Variants in WDR7 observed in about 807,000 individuals in gnomAD.
WDR7 encodes the protein WD repeat-containing protein 7.
WDR7 carries 46 observed loss-of-function variants against 169.4 expected under a neutral mutation model. The observed-to-expected ratio is 0.27, with a 90% CI of 0.21 to 0.35. WDR7 has a LOEUF of 0.35. Ranked by LOEUF, WDR7 falls within the 10% of genes least tolerant of loss-of-function variation. The pLI, the probability that WDR7 is intolerant of heterozygous loss-of-function variation, is 1.00. For missense variants in WDR7, 1,534 were observed against 1,859.3 expected (o/e 0.83, Z 3.22); for synonymous variants, 612 against 666.8 (o/e 0.92, Z 1.27).
At chr18:56,936,001 T>G in intron 23 of WDR7, 96 bp downstream of exon 23, 5 of 1,149,206 alleles carry the variant, frequency 4.4e-6, no homozygotes, top group Non-Finnish European at 5.0e-6. Flanking sequence ...CCCTTTACAG[T>G]TTATTCTAGA....
intron 26 of WDR7, among the ~76,000 whole-genome samples, chr18:57,008,353 A>T (rs1186731985): frequency 6.6e-6 from 1 of 152,102 alleles, no homozygotes; most frequent in Non-Finnish European, 1.5e-5. Flanking sequence ...CCATTCTCAT[A>T]TTTAAAAACT....
At chr18:56,932,700 A>G (rs1457046045) in intron 22 of WDR7, among the ~76,000 whole-genome samples, 1 of 152,138 alleles carries the variant, frequency 6.6e-6, no homozygotes, top group African/African-American at 2.4e-5. Flanking sequence ...TGAAGTAGAT[A>G]TTTTAATATA....
intron 5 of WDR7, 114 bp from the exon 6 acceptor site, chr18:56,685,842 G>A: frequency 1.2e-6 from 1 of 814,828 alleles, no homozygotes; most frequent in Middle Eastern, 2.4e-4. Context: ...ATGTTTTTCT[G>A]CTAATTGTAA....
chr18:56,880,196 T>C (rs1368259221), intron 21 of WDR7, 31 bp downstream of exon 21: 2 of 1,592,890 alleles, frequency 1.3e-6, no homozygotes, highest in Non-Finnish European at 1.7e-6. Context: ...TGCTGATCTG[T>C]TGCTTCTGAA....
chr18:56,907,935 G>A (rs2900719), intron 21 of WDR7, among the ~76,000 whole-genome samples: 303 of 152,236 alleles, frequency 2.0e-3, no homozygotes, highest in African/African-American at 6.8e-3. Context: ...CTGTATATGC[G>A]GATGTGGTAG....
chr18:56,902,224 A>G (rs1334058699), intron 21 of WDR7, among the ~76,000 whole-genome samples: 7 of 152,164 alleles, frequency 4.6e-5, no homozygotes, highest in African/African-American at 1.7e-4. Flanking sequence ...TGATGTGGCT[A>G]CTTCTAAAGT....
At chr18:56,955,283 G>A (rs2047235710) in intron 25 of WDR7, among the ~76,000 whole-genome samples, 1 of 152,008 alleles carries the variant, frequency 6.6e-6, no homozygotes. Context: ...CAGACAGGTG[G>A]CTGTCTTTTA....
chr18:56,842,790 A>T (rs1369717071), intron 20 of WDR7, among the ~76,000 whole-genome samples: 1 of 152,198 alleles, frequency 6.6e-6, no homozygotes, highest in Non-Finnish European at 1.5e-5. Context: ...ACTTTATTTG[A>T]AGATTTTTGA....
chr18:56,998,481 A>T (rs767728440), intron 26 of WDR7, among the ~76,000 whole-genome samples: 2 of 152,070 alleles, frequency 1.3e-5, no homozygotes, highest in Non-Finnish European at 2.9e-5. Context: ...AAAGAGTTAA[A>T]CTCTATCAGC....
chr18:56,930,303 C>T (rs1442370104), intron 22 of WDR7, among the ~76,000 whole-genome samples: 1 of 152,152 alleles, frequency 6.6e-6, no homozygotes, highest in Non-Finnish European at 1.5e-5. Context: ...CAAATCTCAG[C>T]CATTCTTGAA....
chr18:56,717,643 A>ATT, intron 12 of WDR7, among the ~76,000 whole-genome samples: 1 of 152,174 alleles, frequency 6.6e-6, no homozygotes, highest in Non-Finnish European at 1.5e-5. Flanking sequence ...ACACCTAATA[A>ATT]CAGATCAATT....
intron 26 of WDR7, among the ~76,000 whole-genome samples, chr18:57,019,291 A>G (rs748798970): frequency 5.3e-5 from 8 of 152,200 alleles, no homozygotes; most frequent in Non-Finnish European, 1.2e-4. Context: ...AACGCTACGT[A>G]TTACCTCATT....
At chr18:56,676,390 G>A (rs1342006451) in intron 2 of WDR7, among the ~76,000 whole-genome samples, 13 of 152,080 alleles carry the variant, frequency 8.5e-5, no homozygotes, top group African/African-American at 1.2e-4. Context: ...ATAAGTCCTC[G>A]TTATTATTGG....
Position 57,027,160 on chromosome 18 carries a change from G to A in WDR7, c.4426G>A (p.Val1476Ile), listed in dbSNP as rs750896747. The A allele has an allele frequency of 5.9e-5, 96 of 1,613,994 alleles. No individual in the cohort carries two copies. The South Asian group carries it at 6.4e-4, about 11-fold the overall frequency. ...GCTCATCTGGACTTCCAACCGCAACGTCATCCTCATGGCCCATGACGGGAA... is the reference window on the plus strand; with the variant it reads ...GCTCATCTGGACTTCCAACCGCAACATCATCCTCATGGCCCATGACGGGAA... ...ARLIWTSNRN[V>I]ILMAHDGKEH... Residue 1476 changes from valine (V) to isoleucine (I), a missense_variant, in exon 28 of 28, where the codon GTC becomes ATC. By Grantham distance (29) the Val-to-Ile change is conservative (BLOSUM62 3). Transcript: ENST00000254442.
At chr18:56,662,998 C>T (rs1453335971) in intron 1 of WDR7, among the ~76,000 whole-genome samples, 1 of 152,162 alleles carries the variant, frequency 6.6e-6, no homozygotes, top group Admixed American at 6.5e-5. Context: ...CTAGAAGTGC[C>T]CCAGATCAAG....
intron 14 of WDR7, among the ~76,000 whole-genome samples, chr18:56,744,189 A>C (rs934578246): frequency 2.1e-5 from 3 of 143,014 alleles, no homozygotes; most frequent in Non-Finnish European, 4.6e-5. Context: ...CAGTGAGCCG[A>C]GATCGCGCCA....
chr18:56,760,671 C>T (rs764308037), intron 16 of WDR7, among the ~76,000 whole-genome samples: 4 of 152,112 alleles, frequency 2.6e-5, no homozygotes, highest in South Asian at 2.1e-4. Flanking sequence ...ATATTATAAG[C>T]GTTTCTGTTT....
chr18:56,757,665 TATTCA>T (rs2043915866), intron 15 of WDR7, among the ~76,000 whole-genome samples: 1 of 152,178 alleles, frequency 6.6e-6, no homozygotes, highest in African/African-American at 2.4e-5. Flanking sequence ...TTTGCCCTAA[TATTCA>T]ATTCAAAATA....
chr18:56,955,305 C>G lies in WDR7; in HGVS notation c.4065-7125C>G, dbSNP rs191109842. On this transcript the variant is annotated intron_variant, in intron 25 of 27. Transcript: ENST00000254442. ...GTGGCTGTCTTTTAATGCTAAAGTTCTTCATATTAAAACAAAAAACTTGAC... is the reference window on the plus strand; with the variant it reads ...GTGGCTGTCTTTTAATGCTAAAGTTGTTCATATTAAAACAAAAAACTTGAC... Among the ~76,000 whole-genome samples, 31 of 152,182 alleles carry G rather than the reference C, an allele frequency of 2.0e-4. No homozygotes were observed. The East Asian group carries it at 4.6e-3, about 23-fold the overall frequency.
Sources: allele counts gnomAD v4.1 joint callset (sites outside exome capture counted in the v4.1 genomes callset), GRCh38; gene constraint gnomAD v4.1.1; transcripts MANE v1.5; gene names NCBI Gene and HGNC (gene_info 2026-07-23, HGNC 2026-07-21).